LINGO2: variants seen among roughly 807,000 people sequenced by gnomAD.
LINGO2 encodes the protein leucine-rich repeat and immunoglobulin-like domain-containing nogo receptor-interacting protein 2.
A neutral mutation model predicts 30.6 loss-of-function variants in LINGO2; 14 were observed. The observed-to-expected ratio is 0.46, with a 90% confidence interval of 0.30 to 0.72. The LOEUF (loss-of-function observed/expected upper bound fraction) is 0.72, where lower values mean the gene tolerates loss of function less well. Among genes scored for constraint, LINGO2 ranks in the 30% least tolerant of loss-of-function variants. The probability of loss-of-function intolerance (pLI) is 0.07; values close to 1 mark genes in which losing one functional copy is unlikely to be tolerated. For synonymous variants in LINGO2, 317 were observed against 288.5 expected, an observed-to-expected ratio of 1.10 and a Z score of -1.00; for missense variants, 729 against 751.7, an observed-to-expected ratio of 0.97 and a Z score of 0.35.
At chr9:29,161,248 T>G in the LINGO2 span, among the ~76,000 whole-genome samples, 1 of 152,126 alleles carries the variant, frequency 6.6e-6, no homozygotes, top group East Asian at 1.9e-4. Flanking sequence ...GTGAGGGAGC[T>G]AGTGTGAAAA....
At chr9:27,950,315 C>A (rs553651409) in exon 6 of LINGO2, 1 of 1,614,152 alleles carries the variant, frequency 6.2e-7, no homozygotes, top group South Asian at 1.1e-5. Flanking sequence ...CCAAAGGGAC[C>A]AGCTTTAGAC....
the LINGO2 span, among the ~76,000 whole-genome samples, chr9:29,107,546 T>A: frequency 1.3e-5 from 2 of 152,132 alleles, no homozygotes; most frequent in Non-Finnish European, 2.9e-5. Context: ...GATTGTCTTT[T>A]AAAATTTTTT....
At chr9:29,161,832 T>C in the LINGO2 span, among the ~76,000 whole-genome samples, 1 of 152,120 alleles carries the variant, frequency 6.6e-6, no homozygotes, top group African/African-American at 2.4e-5. Context: ...CTTGAATATA[T>C]ACCATATTAG....
chr9:28,347,467 A>C (rs1819634162), intron 3 of LINGO2, among the ~76,000 whole-genome samples: 1 of 152,128 alleles, frequency 6.6e-6, no homozygotes, highest in African/African-American at 2.4e-5. Context: ...AGATCCATAA[A>C]GATAAAAGAA....
At chr9:28,716,709 T>C in the LINGO2 span, among the ~76,000 whole-genome samples, 68 of 152,192 alleles carry the variant, frequency 4.5e-4, no homozygotes, top group South Asian at 0.012. Context: ...GAAAGATAGA[T>C]AGGTAGCTAG....
intron 1 of LINGO2, among the ~76,000 whole-genome samples, chr9:28,669,151 C>A (rs1227987910): frequency 2.0e-5 from 3 of 152,016 alleles, no homozygotes; most frequent in African/African-American, 7.2e-5. Flanking sequence ...AGATCCCATC[C>A]TAGACTAATG....
the LINGO2 span, among the ~76,000 whole-genome samples, chr9:29,076,593 T>A: frequency 6.9e-6 from 1 of 144,230 alleles, no homozygotes; most frequent in African/African-American, 2.5e-5. Flanking sequence ...TATATATATA[T>A]TATATATAAT....
the LINGO2 span, among the ~76,000 whole-genome samples, chr9:28,988,263 T>A: frequency 6.6e-5 from 10 of 152,196 alleles, no homozygotes; most frequent in Non-Finnish European, 1.3e-4. Context: ...GATTACTTCA[T>A]CTTTTCATAC....
At chr9:28,568,706 G>A (rs1587880380) in intron 1 of LINGO2, among the ~76,000 whole-genome samples, 1 of 151,482 alleles carries the variant, frequency 6.6e-6, no homozygotes, top group African/African-American at 2.4e-5. Context: ...AATGCTGAAA[G>A]AAAAAATAAA....
At chr9:28,642,564 T>A (rs1337613491) in intron 1 of LINGO2, among the ~76,000 whole-genome samples, 1 of 152,176 alleles carries the variant, frequency 6.6e-6, no homozygotes, top group African/African-American at 2.4e-5. Context: ...TATGCTTACA[T>A]TGTGACTAGT....
intron 1 of LINGO2, among the ~76,000 whole-genome samples, chr9:28,571,674 G>T (rs1050671201): frequency 1.3e-5 from 2 of 152,006 alleles, no homozygotes; most frequent in Admixed American, 6.6e-5. Context: ...ATATGAATTG[G>T]TTTTTTGCAT....
chr9:29,028,427 G>GGGGGA, the LINGO2 span, among the ~76,000 whole-genome samples: 3 of 123,876 alleles, frequency 2.4e-5, no homozygotes, highest in African/African-American at 3.4e-5. Context: ...TGTGGGGGGG[G>GGGGGA]GTGAGAGAGA....
intron 2 of LINGO2, among the ~76,000 whole-genome samples, chr9:28,423,516 A>C (rs1823287692): frequency 6.6e-6 from 1 of 152,142 alleles, no homozygotes; most frequent in Non-Finnish European, 1.5e-5. Context: ...TTAAAAATTA[A>C]ATCAATTAAG....
the LINGO2 span, among the ~76,000 whole-genome samples, chr9:29,168,351 A>C: frequency 6.6e-6 from 1 of 152,154 alleles, no homozygotes; most frequent in Non-Finnish European, 1.5e-5. Flanking sequence ...CCATTGTCTC[A>C]CATTTTCCTT....
intron 5 of LINGO2, among the ~76,000 whole-genome samples, chr9:28,010,566 A>G (rs752095335): frequency 1.3e-5 from 2 of 152,214 alleles, no homozygotes; most frequent in Non-Finnish European, 2.9e-5. Flanking sequence ...CCACCCAGTC[A>G]GGTTTATTTC....
the LINGO2 span, among the ~76,000 whole-genome samples, chr9:28,996,845 G>C: frequency 3.3e-5 from 5 of 152,074 alleles, no homozygotes; most frequent in South Asian, 1.0e-3. Flanking sequence ...ACAATGTAAG[G>C]AAGCTGGTCA....
intron 3 of LINGO2, among the ~76,000 whole-genome samples, chr9:28,305,431 T>C (rs973265235): frequency 1.4e-4 from 21 of 151,976 alleles, no homozygotes; most frequent in Non-Finnish European, 1.6e-4. Context: ...AAAACTGCCT[T>C]TATTTGCAGA....
chr9:28,356,695 T>C (rs1564146702), intron 3 of LINGO2, among the ~76,000 whole-genome samples: 1 of 152,170 alleles, frequency 6.6e-6, no homozygotes, highest in Non-Finnish European at 1.5e-5. Context: ...TTCTAAATGA[T>C]AATCACCTGG....
At chr9:28,054,138 C>G (rs1186403053) in intron 4 of LINGO2, among the ~76,000 whole-genome samples, 2 of 151,930 alleles carry the variant, frequency 1.3e-5, no homozygotes, top group Non-Finnish European at 2.9e-5. Flanking sequence ...AATGTTGAGA[C>G]TGAAGTTATT....
Sources: gnomAD v4.1 joint callset for allele counts (sites outside exome capture counted in the v4.1 genomes callset) on GRCh38, gnomAD v4.1.1 for gene constraint, MANE v1.5 for transcripts, NCBI Gene and HGNC (gene_info 2026-07-23, HGNC 2026-07-21) for gene names.